The following NCAM1 variants were observed in gnomAD, a reference collection of about 807,000 sequenced individuals.
NCAM1 encodes neural cell adhesion molecule 1.
A neutral mutation model predicts 109.8 loss-of-function variants in NCAM1; 14 were observed. The observed-to-expected ratio is 0.13, with a 90% CI of 0.08 to 0.20. The LOEUF (loss-of-function observed/expected upper bound fraction) is 0.20, where lower values mean the gene tolerates loss of function less well. Ranked by LOEUF, NCAM1 falls within the 10% of genes least tolerant of loss-of-function variation. The pLI is 1.00. For missense variants in NCAM1, 774 were observed against 1,109.9 expected, an observed-to-expected ratio of 0.70 and a Z score of 4.30; for synonymous variants, 418 against 442.9, an observed-to-expected ratio of 0.94 and a Z score of 0.70.
At chr11:113,175,789 A>G (rs1943126139) in intron 1 of NCAM1, among the ~76,000 whole-genome samples, 1 of 152,236 alleles carries the variant, frequency 6.6e-6, no homozygotes, top group Non-Finnish European at 1.5e-5. Flanking sequence ...CAACATATTT[A>G]TGCACATGTA....
chr11:113,226,388 AAAT>A (rs1171868597), intron 9 of NCAM1, among the ~76,000 whole-genome samples: 4 of 152,226 alleles, frequency 2.6e-5, no homozygotes, highest in African/African-American at 9.7e-5. Context: ...TAACTAACCT[AAAT>A]ATATATGCAC....
At chr11:113,145,431 A>G (rs1324234984) in intron 1 of NCAM1, among the ~76,000 whole-genome samples, 30 of 152,192 alleles carry the variant, frequency 2.0e-4, no homozygotes, top group African/African-American at 6.5e-4. Context: ...TTCTGGAACA[A>G]TTGCCAAAAG....
rs1301528405 is a variant in NCAM1, at chr11:113,236,381, A to G, written c.1825+1217A>G. 3 of 1,563,250 alleles carry G rather than the reference A, an allele frequency of 1.9e-6. No homozygotes were observed. The East Asian group carries it at 6.7e-5, about 35-fold the overall frequency. On this transcript the variant is annotated intron_variant, in intron 14 of 19. Transcript: ENST00000316851. ...TTAACATCTGCTAGTTCTAGTTCGT[A>G]ATTTAGTTCTGGTCCCTTTTTTGTC...
rs1591265857 is a variant in NCAM1, at chr11:113,032,287, C to T, written c.52+70623C>T. Among the ~76,000 whole-genome samples the T allele has an allele frequency of 3.3e-5, 5 of 152,254 alleles. No homozygotes were observed. The South Asian group carries it at 1.0e-3, about 32-fold the overall frequency. On this transcript the variant is annotated intron_variant, in intron 1 of 19. Coordinates refer to ENST00000316851, the MANE Select transcript of NCAM1 (RefSeq NM_181351.5). ...ACTGATGCCTATACTTTTGGACTTT[C>T]TTTGTTCAGGGTATGCCATCTACTG...
intron 14 of NCAM1, among the ~76,000 whole-genome samples, chr11:113,237,927 TAG>T (rs5794857): frequency 0.41 from 26,064 of 62,964 alleles, 3,332 homozygotes; most frequent in East Asian, 0.68. Context: ...TATATAGATA[TAG>T]ATATATAGAT....
rs1437117772 is a variant in NCAM1, at chr11:113,233,709, A to G, written c.1693+392A>G. ...CCGACACCCGGCCAGTCCTGCTTGG[A>G]TATCTGTACTCAGGGACTGGCTGTC... On this transcript the variant is annotated intron_variant, in intron 13 of 19. Coordinates refer to ENST00000316851, the MANE Select transcript of NCAM1 (RefSeq NM_181351.5). The surrounding 1 kb of genome is among the most constrained non-coding windows in gnomAD (Gnocchi z 4.5). Among the ~76,000 whole-genome samples the G allele has an allele frequency of 2.0e-5, 3 of 152,190 alleles. No individual in the cohort carries two copies. The highest frequency in any genetic ancestry group is 4.4e-5 in the Non-Finnish European group (3 of 68,034).
chr11:113,177,837 C>T (rs1453423517), intron 1 of NCAM1, among the ~76,000 whole-genome samples: 1 of 152,030 alleles, frequency 6.6e-6, no homozygotes, highest in Admixed American at 6.5e-5. Context: ...TCCCAGCACT[C>T]CGTTTCTGCT....
intron 1 of NCAM1, among the ~76,000 whole-genome samples, chr11:113,164,516 G>T (rs1290481578): frequency 6.6e-6 from 1 of 152,130 alleles, no homozygotes; most frequent in Non-Finnish European, 1.5e-5. Flanking sequence ...ATTAATCAGG[G>T]TTCCCACAAC....
rs782568471 is a variant in NCAM1 at position 113,260,193 on chromosome 11, C to T, written c.2001C>T (p.Asp667=). 8 of 1,613,796 alleles carry T rather than the reference C, an allele frequency of 5.0e-6. No homozygotes were observed. The East Asian group carries it at 1.6e-4, about 31-fold the overall frequency. The change falls in exon 17 of 20, where the codon GAC becomes GAT. Residue 667 remains aspartate (D), a synonymous_variant. Transcript: ENST00000316851. The stretch of plus-strand genomic sequence containing the variant: ...AGATCAGGCTCCCGTCTGGCAGTGA[C>T]CACGTCATGCTGAAGTCCCTGGACT... ...KPEIRLPSGS[D]HVMLKSLDWN...
chr11:113,026,619 G>A (rs1456883171), intron 1 of NCAM1, among the ~76,000 whole-genome samples: 3 of 152,168 alleles, frequency 2.0e-5, no homozygotes, highest in African/African-American at 7.2e-5. Flanking sequence ...ACTTTAAAAT[G>A]TTCTTGTGTG....
chr11:113,100,722 A>G (rs1182618058), intron 1 of NCAM1, among the ~76,000 whole-genome samples: 3 of 152,020 alleles, frequency 2.0e-5, no homozygotes, highest in Non-Finnish European at 4.4e-5. Context: ...TTATGGGTAG[A>G]AGATGTGGGG....
At chr11:113,169,505 T>G (rs1287627144) in intron 1 of NCAM1, among the ~76,000 whole-genome samples, 3 of 152,194 alleles carry the variant, frequency 2.0e-5, no homozygotes, top group Admixed American at 6.5e-5. Context: ...TTGTCATCAA[T>G]TCCCTGATTA....
intron 1 of NCAM1, among the ~76,000 whole-genome samples, chr11:113,115,639 A>G (rs557193150): frequency 1.1e-4 from 16 of 152,370 alleles, no homozygotes; most frequent in Admixed American, 4.6e-4. Flanking sequence ...CATGAGAACA[A>G]AAGATCAGAG....
chr11:113,171,578 G>T (rs1942990251), intron 1 of NCAM1, among the ~76,000 whole-genome samples: 1 of 152,110 alleles, frequency 6.6e-6, no homozygotes, highest in South Asian at 2.1e-4. Flanking sequence ...AGGTTGTGGT[G>T]AGCCGAGATC....
At chr11:113,089,432 T>C (rs1939239820) in intron 1 of NCAM1, among the ~76,000 whole-genome samples, 1 of 152,146 alleles carries the variant, frequency 6.6e-6, no homozygotes, top group Non-Finnish European at 1.5e-5. Flanking sequence ...GTTTACTAAA[T>C]TGAACAACTG....
At chr11:113,125,663 G>A (rs1438938356) in intron 1 of NCAM1, among the ~76,000 whole-genome samples, 1 of 152,220 alleles carries the variant, frequency 6.6e-6, no homozygotes, top group Non-Finnish European at 1.5e-5. Flanking sequence ...GCTGGGCAGA[G>A]TGCAGGATGC....
At chr11:113,003,257 C>G (rs946886974) in intron 1 of NCAM1, among the ~76,000 whole-genome samples, 1 of 152,250 alleles carries the variant, frequency 6.6e-6, no homozygotes, top group African/African-American at 2.4e-5. Context: ...TCAAAGGTCT[C>G]TCCATATCAG....
chr11:113,205,912 G>T, intron 4 of NCAM1, 131 bp from the exon 5 acceptor site: 2 of 1,200,212 alleles, frequency 1.7e-6, no homozygotes, highest in South Asian at 2.9e-5. Flanking sequence ...AGCCAGGGAC[G>T]CATTTTCTTA....
intron 1 of NCAM1, among the ~76,000 whole-genome samples, chr11:113,087,148 T>C (rs1555088444): frequency 6.6e-6 from 1 of 152,240 alleles, no homozygotes; most frequent in Non-Finnish European, 1.5e-5. Context: ...TGAGGTGGTC[T>C]TTCTTTGCAA....
Sources: allele counts gnomAD v4.1 joint callset (sites outside exome capture counted in the v4.1 genomes callset), GRCh38; gene constraint gnomAD v4.1.1; non-coding constraint Gnocchi (gnomAD v3.1); transcripts MANE v1.5; gene names NCBI Gene and HGNC (gene_info 2026-07-23, HGNC 2026-07-21).